IL1RAPL2: variants seen among roughly 807,000 people sequenced by gnomAD.
IL1RAPL2 encodes the protein interleukin 1 receptor accessory protein like 2.
Under a neutral mutation model 44.1 loss-of-function variants are expected in IL1RAPL2, and 3 were observed. That is an observed-to-expected ratio of 0.07 (90% confidence interval 0.03 to 0.18). The LOEUF (loss-of-function observed/expected upper bound fraction) is 0.18, where lower values mean the gene tolerates loss of function less well. IL1RAPL2 is among the 10% of genes least tolerant of loss of function. The pLI, the probability that IL1RAPL2 is intolerant of heterozygous loss-of-function variation, is 1.00. For synonymous variants in IL1RAPL2, 181 were observed against 178.8 expected (o/e 1.01, Z -0.10); for missense variants, 391 against 496.4 (o/e 0.79, Z 2.02).
chrX:104,621,270 T>C (rs1929392672), intron 1 of IL1RAPL2, among the ~76,000 whole-genome samples: 1 of 107,445 alleles, frequency 9.3e-6, no homozygotes, highest in African/African-American at 3.4e-5. Context: ...ACATCTAGAA[T>C]TATATTACAA....
chrX:105,349,030 T>A (rs1352276964), intron 5 of IL1RAPL2, among the ~76,000 whole-genome samples: 1 of 112,280 alleles, frequency 8.9e-6, no homozygotes, highest in Admixed American at 9.4e-5. Context: ...TTTTGGACAA[T>A]TGGACCAGTT....
intron 2 of IL1RAPL2, among the ~76,000 whole-genome samples, chrX:104,944,279 C>T (rs1475672426): frequency 5.4e-5 from 6 of 111,863 alleles, no homozygotes; most frequent in African/African-American, 1.9e-4. Flanking sequence ...TCTTTCTTTT[C>T]TAAACATCTC....
chrX:105,339,101 TCAAACAAA>T (rs1192276602), intron 5 of IL1RAPL2, among the ~76,000 whole-genome samples: 1 of 111,374 alleles, frequency 9.0e-6, no homozygotes, highest in Admixed American at 9.6e-5. Flanking sequence ...AGACTCCATC[TCAAACAAA>T]CAAACAAATA....
chrX:105,042,155 A>G lies in IL1RAPL2; in HGVS notation c.83-153320A>G, dbSNP rs1212050430. Reference sequence around the variant, plus strand: ...GAAAACCTAGGCAATACCATTCAGGACATAGGCATTGGCAAGGACTTCATG... The same window carrying G: ...GAAAACCTAGGCAATACCATTCAGGGCATAGGCATTGGCAAGGACTTCATG... On this transcript the variant is annotated intron_variant, in intron 2 of 10. Coordinates refer to ENST00000372582, the MANE Select transcript of IL1RAPL2 (RefSeq NM_017416.2). Among the ~76,000 whole-genome samples the G allele has an allele frequency of 2.7e-5, 3 of 111,302 alleles. 1 individual carries two copies. The highest frequency in any genetic ancestry group is 6.5e-5 in the African/African-American group (2 of 30,536).
At chrX:105,698,930 T>C (rs1426550355) in intron 6 of IL1RAPL2, among the ~76,000 whole-genome samples, 1 of 111,572 alleles carries the variant, frequency 9.0e-6, no homozygotes, top group East Asian at 2.8e-4. Flanking sequence ...GAATTCCCTT[T>C]CCATTCTGTT....
chrX:105,267,037 G>A (rs2034408568), intron 4 of IL1RAPL2, among the ~76,000 whole-genome samples: 1 of 111,528 alleles, frequency 9.0e-6, no homozygotes, highest in African/African-American at 3.3e-5. Context: ...TCAAATAGAA[G>A]GAACCAGGAC....
At chrX:105,226,876 A>T (rs1006135929) in intron 3 of IL1RAPL2, among the ~76,000 whole-genome samples, 5 of 110,675 alleles carry the variant, frequency 4.5e-5, no homozygotes, top group Non-Finnish European at 9.4e-5. Context: ...AAGCTGCATT[A>T]TCAAGCAGTA....
intron 2 of IL1RAPL2, among the ~76,000 whole-genome samples, chrX:104,666,096 A>AGTGTGT (rs775436800): frequency 4.7e-5 from 5 of 106,176 alleles, no homozygotes; most frequent in African/African-American, 1.4e-4. Context: ...TAACCTTAAA[A>AGTGTGT]GTGTGTGTGT....
At chrX:105,015,278 G>T (rs1270205295) in intron 2 of IL1RAPL2, among the ~76,000 whole-genome samples, 1 of 110,821 alleles carries the variant, frequency 9.0e-6, no homozygotes, top group African/African-American at 3.3e-5. Flanking sequence ...TCAATCTGAT[G>T]ATAGTATCTT....
chrX:105,208,280 G>A (rs2033780850), intron 3 of IL1RAPL2, among the ~76,000 whole-genome samples: 1 of 111,928 alleles, frequency 8.9e-6, no homozygotes, highest in Non-Finnish European at 1.9e-5. Context: ...ACCTTAACTT[G>A]CAGTCAGGTA....
At chrX:104,662,596 A>C (rs897518054) in intron 2 of IL1RAPL2, among the ~76,000 whole-genome samples, 1 of 111,526 alleles carries the variant, frequency 9.0e-6, no homozygotes, top group Non-Finnish European at 1.9e-5. Flanking sequence ...GGACACAGGT[A>C]CCTAAAACTA....
chrX:105,379,533 T>A (rs1305388013), intron 5 of IL1RAPL2, among the ~76,000 whole-genome samples: 1 of 111,648 alleles, frequency 9.0e-6, no homozygotes, highest in Non-Finnish European at 1.9e-5. Flanking sequence ...CTTACATTTG[T>A]ATAATGGTTA....
chrX:104,691,167 A>G lies in IL1RAPL2; in HGVS notation c.82+32172A>G, dbSNP rs189148381. On this transcript the variant is annotated intron_variant, in intron 2 of 10. Coordinates refer to ENST00000372582, the MANE Select transcript of IL1RAPL2 (RefSeq NM_017416.2). ...ATAAGGCTAAAGAATGGAATCAACC[A>G]TTTTAGGAGCTCTGCAATGGTTACC... is the stretch of plus-strand genomic sequence containing the variant. Among the ~76,000 whole-genome samples the G allele has an allele frequency of 9.6e-4, 108 of 112,368 alleles. 2 individuals carry two copies. Among genetic ancestry groups the G allele is most frequent in the Admixed American group, 6.7e-3 (71 of 10,623 alleles).
chrX:105,523,166 A>T (rs2036571069), intron 6 of IL1RAPL2, among the ~76,000 whole-genome samples: 1 of 111,788 alleles, frequency 8.9e-6, no homozygotes, highest in Non-Finnish European at 1.9e-5. Context: ...CAACATCAGT[A>T]TCTAGATGAT....
At chrX:105,489,781 C>CTT (rs2036299410) in intron 6 of IL1RAPL2, among the ~76,000 whole-genome samples, 1 of 57,148 alleles carries the variant, frequency 1.7e-5, no homozygotes, top group African/African-American at 8.4e-5. Context: ...TCTTTTCTTT[C>CTT]TCTCTTTCTC....
intron 5 of IL1RAPL2, among the ~76,000 whole-genome samples, chrX:105,369,817 C>T (rs996598816): frequency 1.8e-5 from 2 of 110,857 alleles, no homozygotes; most frequent in Non-Finnish European, 3.8e-5. Context: ...AGTCTGAAAA[C>T]CTGGATTTAT....
At chrX:105,178,704 A>G (rs1373252085) in intron 2 of IL1RAPL2, among the ~76,000 whole-genome samples, 2 of 111,757 alleles carry the variant, frequency 1.8e-5, no homozygotes, top group Non-Finnish European at 3.8e-5. Context: ...GGGCAAGATG[A>G]TATCTCACTG....
At chrX:105,246,192 T>G (rs2034217748) in intron 4 of IL1RAPL2, among the ~76,000 whole-genome samples, 1 of 112,502 alleles carries the variant, frequency 8.9e-6, no homozygotes, top group Non-Finnish European at 1.9e-5. Context: ...AATAGTGTCT[T>G]TGTCTTGAGT....
chrX:105,366,614 T>C (rs1047995292), intron 5 of IL1RAPL2, among the ~76,000 whole-genome samples: 6 of 111,684 alleles, frequency 5.4e-5, no homozygotes, highest in Admixed American at 9.5e-5. Flanking sequence ...TGTTCAGAAG[T>C]ATGTTGTCTA....
Sources: gnomAD v4.1 joint callset for allele counts (sites outside exome capture counted in the v4.1 genomes callset) on GRCh38, gnomAD v4.1.1 for gene constraint, MANE v1.5 for transcripts, NCBI Gene and HGNC (gene_info 2026-07-23, HGNC 2026-07-21) for gene names.